Variants in NOL4L observed in about 807,000 individuals in gnomAD.
The protein encoded by NOL4L is nucleolar protein 4-like.
In NOL4L, 7 loss-of-function variants were observed where a neutral mutation model predicts 64.5. That is an observed-to-expected ratio of 0.11 (90% CI 0.06 to 0.20). The LOEUF is 0.20. Among genes scored for constraint, NOL4L ranks in the 10% least tolerant of loss-of-function variants. NOL4L has a pLI of 1.00. For missense variants in NOL4L, 680 were observed against 967.1 expected (o/e 0.70, Z 3.94); for synonymous variants, 413 against 401.0 (o/e 1.03, Z -0.36).
intron 1 of NOL4L, among the ~76,000 whole-genome samples, chr20:32,530,307 CA>C (rs1349776007): frequency 6.6e-6 from 1 of 152,226 alleles, no homozygotes; most frequent in East Asian, 1.9e-4. Flanking sequence ...TTTGGGAGGC[CA>C]AGGCGGGTGG....
intron 5 of NOL4L, among the ~76,000 whole-genome samples, chr20:32,457,918 A>C (rs2013707486): frequency 6.6e-6 from 1 of 152,146 alleles, no homozygotes; most frequent in African/African-American, 2.4e-5. Flanking sequence ...TTTACTGAGC[A>C]CCTACTGAGT....
rs115253830 is a variant in NOL4L, at chr20:32,563,837, G to A, written c.321+20733C>T. ...AGCCTGGGACATTGCCTGGTCTCCC[G>A]GCCAAGGTGGCAGCAGCCCCCAGGC... is the stretch of plus-strand genomic sequence containing the variant. On this transcript the variant is annotated intron_variant, in intron 1 of 10. Coordinates refer to ENST00000621426, the MANE Select transcript of NOL4L (RefSeq NM_001256798.2). Among the ~76,000 whole-genome samples the A allele has an allele frequency of 6.1e-3, 926 of 152,240 alleles. 10 individuals are homozygous for A. The highest frequency in any genetic ancestry group is 0.021 in the African/African-American group (886 of 41,548).
At chr20:32,475,181 G>A (rs2015309929) in intron 4 of NOL4L, 1 of 985,478 alleles carries the variant, frequency 1.0e-6, no homozygotes, top group Non-Finnish European at 1.2e-6. Flanking sequence ...AGGCTGAGCT[G>A]AGTGCCCCCA....
At chr20:32,495,060 A>G (rs144977680) in intron 4 of NOL4L, among the ~76,000 whole-genome samples, 198 of 152,282 alleles carry the variant, frequency 1.3e-3, no homozygotes, top group African/African-American at 4.5e-3. Flanking sequence ...CAGGGGTGCT[A>G]CGCTACGTCC....
At chr20:32,546,206 A>G (rs940501563) in intron 1 of NOL4L, among the ~76,000 whole-genome samples, 3 of 152,092 alleles carry the variant, frequency 2.0e-5, no homozygotes, top group African/African-American at 7.2e-5. Context: ...TTGGCCTCCC[A>G]AAGTGCTGGG....
At chr20:32,498,054 A>C (rs293554) in intron 4 of NOL4L, among the ~76,000 whole-genome samples, 25 of 152,034 alleles carry the variant, frequency 1.6e-4, no homozygotes, top group Admixed American at 1.6e-3. Flanking sequence ...TCGCATTTGT[A>C]GGGGTGGAGG....
intron 3 of NOL4L, among the ~76,000 whole-genome samples, chr20:32,514,923 C>A (rs749998451): frequency 2.0e-5 from 3 of 152,142 alleles, no homozygotes; most frequent in Non-Finnish European, 4.4e-5. Context: ...GCGCCCAGCA[C>A]TCTCGCGGCC....
intron 10 of NOL4L, chr20:32,451,599 A>G (rs1479894473): frequency 6.6e-6 from 1 of 152,292 alleles, no homozygotes; most frequent in African/African-American, 2.4e-5. Context: ...AAAAGCACCT[A>G]CTGAATCACC....
intron 3 of NOL4L, among the ~76,000 whole-genome samples, chr20:32,520,459 G>A (rs546657083): frequency 6.6e-6 from 1 of 152,288 alleles, no homozygotes; most frequent in Non-Finnish European, 1.5e-5. Context: ...CTCGTGCATG[G>A]AGAAGCAGTG....
intron 1 of NOL4L, among the ~76,000 whole-genome samples, chr20:32,583,300 AC>A (rs1250529737): frequency 1.4e-5 from 2 of 144,938 alleles, no homozygotes; most frequent in Non-Finnish European, 3.0e-5. Context: ...CGGCCCCCTC[AC>A]CCCGCGGGCC....
chr20:32,534,692 C>G (rs1212960943), intron 1 of NOL4L, among the ~76,000 whole-genome samples: 1 of 151,714 alleles, frequency 6.6e-6, no homozygotes, highest in African/African-American at 2.4e-5. Flanking sequence ...CTCCCCCCAC[C>G]CCCCGCCGCC....
rs549292113 is a variant in NOL4L, at chr20:32,515,296, C to T, written c.590-3840G>A. Among the ~76,000 whole-genome samples the T allele has an allele frequency of 7.2e-5, 11 of 152,238 alleles. No homozygotes were observed. The South Asian group carries it at 1.2e-3, about 17-fold the overall frequency. ...ATCCCGAGCAGACCCCTAAACCCAT[C>T]GGAGAACACCTTACATTGCTGTAAG... On this transcript the variant is annotated intron_variant, in intron 3 of 10. Transcript: ENST00000621426.
intron 1 of NOL4L, among the ~76,000 whole-genome samples, chr20:32,539,199 C>T (rs972487416): frequency 6.6e-6 from 1 of 152,218 alleles, no homozygotes; most frequent in South Asian, 2.1e-4. Context: ...CACCCTGTCA[C>T]GTGGTTAAGC....
intron 4 of NOL4L, chr20:32,509,936 G>T (rs906462832): frequency 7.7e-7 from 1 of 1,304,110 alleles, no homozygotes; most frequent in Non-Finnish European, 1.0e-6. Context: ...AGACAGTGAG[G>T]ATGGCTACAG....
intron 1 of NOL4L, among the ~76,000 whole-genome samples, chr20:32,537,895 C>T (rs2018577699): frequency 6.6e-6 from 1 of 152,064 alleles, no homozygotes; most frequent in Admixed American, 6.6e-5. Flanking sequence ...TCTCCTGCTA[C>T]AGCCTCCCGA....
chr20:32,578,439 G>A (rs1486050002), intron 1 of NOL4L, among the ~76,000 whole-genome samples: 2 of 152,182 alleles, frequency 1.3e-5, no homozygotes, highest in Admixed American at 1.3e-4. Flanking sequence ...AGGCTGGAGT[G>A]CAGTGGCATG....
At chr20:32,472,179 C>T (rs2015069554) in intron 5 of NOL4L, among the ~76,000 whole-genome samples, 1 of 152,222 alleles carries the variant, frequency 6.6e-6, no homozygotes. Context: ...CAATGGTGTG[C>T]TTGGGTAGGT....
At chr20:32,494,483 T>C (rs293550) in intron 4 of NOL4L, among the ~76,000 whole-genome samples, 1 of 151,604 alleles carries the variant, frequency 6.6e-6, no homozygotes, top group East Asian at 1.9e-4. Context: ...TCCTTTCTTT[T>C]CCATTCTTTT....
intron 4 of NOL4L, among the ~76,000 whole-genome samples, chr20:32,478,242 TACACAC>T (rs553898145): frequency 1.9e-4 from 27 of 145,158 alleles, no homozygotes; most frequent in South Asian, 8.8e-4. Flanking sequence ...AGGCTATATT[TACACAC>T]ACACACACAC....
Sources: allele counts gnomAD v4.1 joint callset (sites outside exome capture counted in the v4.1 genomes callset), GRCh38; gene constraint gnomAD v4.1.1; transcripts MANE v1.5; gene names NCBI Gene and HGNC (gene_info 2026-07-23, HGNC 2026-07-21).